The following TANC2 variants were observed in gnomAD, a reference collection of about 807,000 sequenced individuals.
TANC2 encodes protein TANC2.
TANC2 carries 26 observed loss-of-function variants against 210.5 expected under a neutral mutation model. The ratio of observed to expected loss-of-function variants is 0.12; its 90% CI spans 0.09 to 0.17. The LOEUF (loss-of-function observed/expected upper bound fraction) is 0.17, where lower values mean the gene tolerates loss of function less well. Among genes scored for constraint, TANC2 ranks in the 10% least tolerant of loss-of-function variants. The pLI is 1.00. For missense variants in TANC2, 2,129 were observed against 2,608.9 expected, an observed-to-expected ratio of 0.82 and a Z score of 4.01; for synonymous variants, 931 against 967.1, an observed-to-expected ratio of 0.96 and a Z score of 0.69.
At chr17:63,378,739 A>C (rs1279726902) in intron 14 of TANC2, among the ~76,000 whole-genome samples, 1 of 152,222 alleles carries the variant, frequency 6.6e-6, no homozygotes, top group Non-Finnish European at 1.5e-5. Context: ...AGTATGTGAC[A>C]GTATGGCAAA....
intron 3 of TANC2, among the ~76,000 whole-genome samples, chr17:63,091,942 G>A (rs920135761): frequency 2.3e-4 from 35 of 152,070 alleles, no homozygotes; most frequent in Non-Finnish European, 4.4e-5. Context: ...CTTGTAAGTT[G>A]GATTCCTAGG....
intron 4 of TANC2, among the ~76,000 whole-genome samples, chr17:63,134,004 C>T (rs970834473): frequency 6.6e-6 from 1 of 151,918 alleles, no homozygotes; most frequent in Admixed American, 6.5e-5. Flanking sequence ...CATACAAACA[C>T]CTCTTATCCA....
intron 4 of TANC2, among the ~76,000 whole-genome samples, chr17:63,112,953 GA>G (rs1237360116): frequency 6.6e-6 from 1 of 152,112 alleles, no homozygotes; most frequent in Non-Finnish European, 1.5e-5. Flanking sequence ...TGGTCCCTAG[GA>G]AGTCTAATTT....
intron 3 of TANC2, among the ~76,000 whole-genome samples, chr17:63,084,927 G>A (rs560695310): frequency 2.6e-5 from 4 of 152,180 alleles, no homozygotes; most frequent in South Asian, 4.1e-4. Context: ...TTCCATGTGC[G>A]CTTGAAAAGA....
intron 1 of TANC2, among the ~76,000 whole-genome samples, chr17:62,976,491 A>G (rs1480981859): frequency 2.6e-5 from 4 of 151,818 alleles, no homozygotes; most frequent in Non-Finnish European, 4.4e-5. Context: ...CTTAATAAAA[A>G]AGGGACTTAT....
chr17:63,066,642 A>G (rs1057512810), intron 2 of TANC2, among the ~76,000 whole-genome samples: 5 of 152,136 alleles, frequency 3.3e-5, no homozygotes, highest in Admixed American at 2.0e-4. Flanking sequence ...TGGTAACATC[A>G]AGAATTCACA....
chr17:63,030,640 C>T (rs2034733286), intron 2 of TANC2, among the ~76,000 whole-genome samples: 4 of 151,566 alleles, frequency 2.6e-5, no homozygotes, highest in Admixed American at 2.0e-4. Flanking sequence ...ATCACTTAAC[C>T]TTTCTTAAGC....
At chr17:63,090,191 C>T (rs567013867) in intron 3 of TANC2, among the ~76,000 whole-genome samples, 5 of 150,892 alleles carry the variant, frequency 3.3e-5, no homozygotes, top group African/African-American at 1.2e-4. Flanking sequence ...GTCTTTTGAC[C>T]GTATTACTGA....
At chr17:63,056,486 C>A (rs2035811431) in intron 2 of TANC2, among the ~76,000 whole-genome samples, 1 of 151,888 alleles carries the variant, frequency 6.6e-6, no homozygotes, top group Non-Finnish European at 1.5e-5. Context: ...GAGACCAGTC[C>A]TGGAAATGTA....
chr17:63,239,423 C>T (rs959638502), intron 8 of TANC2, among the ~76,000 whole-genome samples: 4 of 152,148 alleles, frequency 2.6e-5, no homozygotes, highest in African/African-American at 7.2e-5. Context: ...GATAGATTAT[C>T]TCACTGATAA....
intron 7 of TANC2, among the ~76,000 whole-genome samples, chr17:63,203,445 T>G (rs1434828556): frequency 6.6e-6 from 1 of 152,210 alleles, no homozygotes; most frequent in Non-Finnish European, 1.5e-5. Context: ...TTTTAAAATA[T>G]GAGACATTCT....
At chr17:63,164,660 C>G (rs1382808558) in intron 5 of TANC2, among the ~76,000 whole-genome samples, 5 of 152,100 alleles carry the variant, frequency 3.3e-5, no homozygotes, top group Non-Finnish European at 7.3e-5. Context: ...GTAATCCAGT[C>G]CAAAACCAAA....
intron 17 of TANC2, 57 bp downstream of exon 17, chr17:63,389,601 ACT>A: frequency 6.9e-7 from 1 of 1,450,254 alleles, no homozygotes; most frequent in South Asian, 1.2e-5. Context: ...TTCGATGCAT[ACT>A]CTTTCTTATC....
At chr17:63,023,237 G>A (rs941405463) in intron 2 of TANC2, among the ~76,000 whole-genome samples, 38 of 152,246 alleles carry the variant, frequency 2.5e-4, no homozygotes, top group African/African-American at 9.2e-4. Flanking sequence ...TGTGGGCTGA[G>A]CCCAGCAAAG....
At chr17:63,056,476 G>C (rs945255890) in intron 2 of TANC2, among the ~76,000 whole-genome samples, 2 of 152,082 alleles carry the variant, frequency 1.3e-5, no homozygotes, top group Admixed American at 6.6e-5. Flanking sequence ...CCAGAAGTTT[G>C]AGACCAGTCC....
chr17:63,209,267 C>T (rs921453722), intron 7 of TANC2, among the ~76,000 whole-genome samples: 9 of 152,090 alleles, frequency 5.9e-5, no homozygotes, highest in Non-Finnish European at 1.0e-4. Context: ...CCCGCCTCAG[C>T]CTCCAAAAGT....
At chr17:63,141,902 A>G (rs1174071785) in intron 4 of TANC2, among the ~76,000 whole-genome samples, 1 of 152,222 alleles carries the variant, frequency 6.6e-6, no homozygotes, top group East Asian at 1.9e-4. Context: ...TATAGATGTA[A>G]TGTTGGAAAA....
At chr17:63,290,371 G>A (rs891931765) in intron 9 of TANC2, among the ~76,000 whole-genome samples, 1 of 152,116 alleles carries the variant, frequency 6.6e-6, no homozygotes, top group Non-Finnish European at 1.5e-5. Context: ...GGTAAGCTGT[G>A]ACTCCCTGAC....
At chr17:63,172,974 A>G (rs1328004567) in intron 5 of TANC2, among the ~76,000 whole-genome samples, 1 of 152,142 alleles carries the variant, frequency 6.6e-6, no homozygotes, top group Non-Finnish European at 1.5e-5. Context: ...ATCTTCTTCC[A>G]TGGAAGGGAG....
Sources: gnomAD v4.1 joint callset for allele counts (sites outside exome capture counted in the v4.1 genomes callset) on GRCh38, gnomAD v4.1.1 for gene constraint, MANE v1.5 for transcripts, NCBI Gene and HGNC (gene_info 2026-07-23, HGNC 2026-07-21) for gene names.